Variants in EDDM13 observed in about 807,000 individuals in gnomAD.
EDDM13 encodes epididymal protein 13.
Under a neutral mutation model 17.8 loss-of-function variants are expected in EDDM13, and 24 were observed. That is an observed-to-expected ratio of 1.35 (90% CI 0.98 to 1.90). EDDM13 has a LOEUF of 1.90. Among genes scored for constraint, EDDM13 ranks in the 40% most tolerant of loss-of-function variants. The probability of loss-of-function intolerance (pLI) is 0.00; values close to 1 mark genes in which losing one functional copy is unlikely to be tolerated. For missense variants in EDDM13, 97 were observed against 100.8 expected (o/e 0.96, Z 0.16); for synonymous variants, 31 against 37.5 (o/e 0.83, Z 0.63).
chr19:56,290,749 A>G (rs1275028610), intron 8 of EDDM13, among the ~76,000 whole-genome samples, 92 bp from the exon 9 acceptor site: 5 of 152,160 alleles, frequency 3.3e-5, no homozygotes, highest in Non-Finnish European at 5.9e-5. Flanking sequence ...TGAATGGAGG[A>G]ATAATTGAAT....
intron 9 of EDDM13, among the ~76,000 whole-genome samples, chr19:56,292,084 T>C (rs1265277351): frequency 2.0e-5 from 3 of 152,172 alleles, no homozygotes; most frequent in African/African-American, 7.2e-5. Context: ...CTGGGCTGCG[T>C]GACTCAGCTG....
intron 14 of EDDM13, among the ~76,000 whole-genome samples, chr19:56,305,408 T>G (rs1176797793): frequency 6.6e-6 from 1 of 152,200 alleles, no homozygotes; most frequent in African/African-American, 2.4e-5. Flanking sequence ...GTATACCTTG[T>G]ATCAGGACTG....
chr19:56,278,403 G>C (rs563602975), intron 2 of EDDM13, among the ~76,000 whole-genome samples: 32 of 152,200 alleles, frequency 2.1e-4, no homozygotes, highest in Non-Finnish European at 3.8e-4. Flanking sequence ...CAAAGTGCTG[G>C]GATTACAGGC....
chr19:56,303,650 GAGA>G (rs962339809), intron 13 of EDDM13, among the ~76,000 whole-genome samples: 1 of 152,088 alleles, frequency 6.6e-6, no homozygotes, highest in African/African-American at 2.4e-5. Context: ...TGGGGACTCA[GAGA>G]AGAACGGAAC....
At chr19:56,274,805 C>G (rs899987787) in intron 1 of EDDM13, 1 of 152,208 alleles carries the variant, frequency 6.6e-6, no homozygotes, top group Non-Finnish European at 1.5e-5. Flanking sequence ...GAAAATCCAG[C>G]TCTTGCTCAA....
In EDDM13 at chr19:56,310,304, A is replaced by G. The variant is rs11668451; in HGVS notation, c.*156A>G. On this transcript the variant is annotated 3_prime_UTR_variant, in exon 15 of 15. Coordinates refer to ENST00000649256, the MANE Select transcript of EDDM13 (RefSeq NM_001354658.2). The stretch of plus-strand genomic sequence containing the variant: ...CACCTGGGTGCCCAGAGGCATGGCC[A>G]GAAGGTGTCTGTGGGGGCCATGCCT... 0.09 allele frequency: 13,738 copies of G among 152,370 alleles called. 680 individuals are homozygous for G. The highest frequency in any genetic ancestry group is 0.12 in the Middle Eastern group (36 of 294). The allele number at this position is 152,370 out of a possible 1,614,324, so 9.4% of individuals were successfully genotyped here.
At chr19:56,281,881 G>A (rs749224218) in intron 3 of EDDM13, among the ~76,000 whole-genome samples, 183 bp downstream of exon 3, 16 of 152,280 alleles carry the variant, frequency 1.1e-4, no homozygotes, top group South Asian at 6.2e-4. Context: ...GGGTGGGAAC[G>A]GTGCAACTGG....
At chr19:56,308,318 G>A (rs1443472779) in intron 14 of EDDM13, among the ~76,000 whole-genome samples, 1 of 142,614 alleles carries the variant, frequency 7.0e-6, no homozygotes, top group African/African-American at 2.6e-5. Flanking sequence ...AGGCGTGAGC[G>A]GTGGCTCCCA....
At chr19:56,273,010 A>T in intron 1 of EDDM13, 91 bp downstream of exon 1, 1 of 402,714 alleles carries the variant, frequency 2.5e-6, no homozygotes, top group Non-Finnish European at 3.4e-6. Context: ...AAGCTCCTGA[A>T]GTCTAACAGA....
chr19:56,302,007 T>C lies in EDDM13; in HGVS notation c.335T>C (p.Leu112Pro), dbSNP rs979812474. Residue 112 changes from leucine to proline, a missense_variant, in exon 13 of 15, where the codon CTC becomes CCC. By Grantham distance (98) the Leu-to-Pro change is moderately conservative. Transcript: ENST00000649256. ...FSGTTPSRKP[L>P]PKRKNTWNFL... Reference sequence around the variant, plus strand: ...GGCACCACCCCATCCAGGAAACCACTCCCCAAGAGGAAGAACACGTGGAAC... The same window carrying C: ...GGCACCACCCCATCCAGGAAACCACCCCCCAAGAGGAAGAACACGTGGAAC... 9.7e-6 allele frequency: 12 copies of C among 1,231,846 alleles called. No homozygotes were observed. Among genetic ancestry groups the C allele is most frequent in the Non-Finnish European group, 1.1e-5 (11 of 988,196 alleles). The allele number at this position is 1,231,846 out of a possible 1,614,324, so 76.3% of individuals were successfully genotyped here. A position where few individuals can be genotyped will look rare whatever the true frequency, so the allele number is the denominator to read the frequency against.
rs373725192 is a variant in EDDM13, at chr19:56,289,089, C to T, written c.226+198C>T. Among the ~76,000 whole-genome samples, 34 of 152,268 alleles carry T rather than the reference C, an allele frequency of 2.2e-4. No homozygotes were observed. The East Asian group carries it at 5.4e-3, about 24-fold the overall frequency. On this transcript the variant is annotated intron_variant, in intron 8 of 14. Transcript: ENST00000649256. The stretch of plus-strand genomic sequence containing the variant: ...TGCTGTGCTGGTAAATGTCTAACAA[C>T]CACCTCTGCAAGGGGAGAGTGGGAA...
At chr19:56,277,842 C>T (rs910817025) in intron 2 of EDDM13, among the ~76,000 whole-genome samples, 1 of 152,260 alleles carries the variant, frequency 6.6e-6, no homozygotes. Context: ...AAATCCTAGA[C>T]TTCACCACTG....
At chr19:56,302,168 G>A in intron 13 of EDDM13, 73 bp downstream of exon 13, 1 of 1,127,454 alleles carries the variant, frequency 8.9e-7, no homozygotes, top group Non-Finnish European at 1.1e-6. Flanking sequence ...GGGGCACAGA[G>A]GAAGCGAAGG....
intron 12 of EDDM13, 144 bp from the exon 13 acceptor site, chr19:56,301,824 T>C (rs8106406): frequency 0.06 from 53,446 of 897,786 alleles, 4,212 homozygotes; most frequent in African/African-American, 0.34. Context: ...CTGGCAGTGA[T>C]GGTGGGTGTG....
chr19:56,291,809 T>C (rs2147159897), intron 9 of EDDM13, among the ~76,000 whole-genome samples: 1 of 152,280 alleles, frequency 6.6e-6, no homozygotes, highest in Non-Finnish European at 1.5e-5. Context: ...AGATGGGATG[T>C]CTCATGGAAA....
At chr19:56,299,018 T>C (rs998602706) in intron 12 of EDDM13, among the ~76,000 whole-genome samples, 12 of 152,246 alleles carry the variant, frequency 7.9e-5, no homozygotes, top group African/African-American at 2.7e-4. Context: ...AATGCGACAA[T>C]GGTTTAATAG....
rs965715935 is a variant in EDDM13, at chr19:56,281,769, A to G, written c.109+71A>G. The G allele has an allele frequency of 1.4e-5, 13 of 925,294 alleles. No homozygotes were observed. In the Admixed American group the frequency reaches 1.9e-4, roughly 13 times the overall value. The allele number at this position is 925,294 out of a possible 1,614,324, so 57.3% of individuals were successfully genotyped here. ...TCAACCTAGAGAAGGAAGGGAATGA[A>G]AGAGAGAGGCAAAACTGCTGACGAT... is the stretch of plus-strand genomic sequence containing the variant. On this transcript the variant is annotated intron_variant, in intron 3 of 14. Coordinates refer to ENST00000649256, the MANE Select transcript of EDDM13 (RefSeq NM_001354658.2).
At chr19:56,292,585 C>A (rs1292008046) in intron 9 of EDDM13, among the ~76,000 whole-genome samples, 1 of 152,004 alleles carries the variant, frequency 6.6e-6, no homozygotes, top group East Asian at 1.9e-4. Flanking sequence ...ACTGCACCCA[C>A]CTTAACCACT....
intron 9 of EDDM13, among the ~76,000 whole-genome samples, chr19:56,294,745 C>T (rs1176379180): frequency 6.6e-6 from 1 of 152,182 alleles, no homozygotes; most frequent in Admixed American, 6.5e-5. Flanking sequence ...GATGTCCACC[C>T]ACCGATGAAT....
Sources: gnomAD v4.1 joint callset for allele counts (sites outside exome capture counted in the v4.1 genomes callset) on GRCh38, gnomAD v4.1.1 for gene constraint, MANE v1.5 for transcripts, NCBI Gene and HGNC (gene_info 2026-07-23, HGNC 2026-07-21) for gene names.